Variants in CENPI observed in about 807,000 individuals in gnomAD.
CENPI encodes the protein FSH primary response 1.
CENPI carries 4 observed loss-of-function variants against 60.4 expected under a neutral mutation model. The observed-to-expected ratio is 0.07, with a 90% CI of 0.03 to 0.15. The LOEUF is 0.15. Among genes scored for constraint, CENPI ranks in the 10% least tolerant of loss-of-function variants. The pLI, the probability that CENPI is intolerant of heterozygous loss-of-function variation, is 1.00. For missense variants in CENPI, 444 were observed against 534.5 expected (o/e 0.83, Z 1.67); for synonymous variants, 157 against 189.4 (o/e 0.83, Z 1.40).
At chrX:101,127,990 G>T (rs2089754021) in intron 11 of CENPI, among the ~76,000 whole-genome samples, 1 of 111,235 alleles carries the variant, frequency 9.0e-6, no homozygotes, top group African/African-American at 3.3e-5. Context: ...TTGAGGTCAG[G>T]AGTTCAAGAC....
intron 6 of CENPI, among the ~76,000 whole-genome samples, chrX:101,119,489 A>T (rs759127074): frequency 8.9e-6 from 1 of 111,983 alleles, no homozygotes; most frequent in Non-Finnish European, 1.9e-5. Context: ...CTCTGTCACA[A>T]CTATTCAACT....
chrX:101,132,125 G>A lies in CENPI; in HGVS notation c.1288-65G>A, dbSNP rs1014301255. 2.7e-5 allele frequency: 21 copies of A among 791,867 alleles called. No individual in the cohort carries two copies. The Admixed American group carries it at 5.1e-4, about 19-fold the overall frequency. The allele number at this position is 791,867 out of a possible 1,213,427, so 65.3% of individuals were successfully genotyped here. ...AACTATAGCACAAAATAAACTGGTT[G>A]TTTAGAGCATAATTTTATGACTGAA... is the stretch of plus-strand genomic sequence containing the variant. On this transcript the variant is annotated intron_variant, in intron 13 of 21. Coordinates refer to ENST00000682095, the MANE Select transcript of CENPI (RefSeq NM_001386188.2).
At chrX:101,150,988 T>C (rs756362781) in intron 20 of CENPI, among the ~76,000 whole-genome samples, 2 of 111,240 alleles carry the variant, frequency 1.8e-5, no homozygotes, top group Non-Finnish European at 3.8e-5. Flanking sequence ...CTGGTTATCT[T>C]TGACGATGTG....
intron 6 of CENPI, among the ~76,000 whole-genome samples, chrX:101,119,095 G>A (rs925423311): frequency 2.7e-5 from 3 of 111,420 alleles, no homozygotes; most frequent in East Asian, 2.8e-4. Flanking sequence ...TAGGAGAATC[G>A]CTTGAACCCG....
chrX:101,102,616 C>A (rs2089433756), intron 4 of CENPI, among the ~76,000 whole-genome samples: 1 of 109,404 alleles, frequency 9.1e-6, no homozygotes, highest in Admixed American at 1.0e-4. Context: ...CCGCCTTGGC[C>A]TCTCAAAGTG....
chrX:101,120,466 A>T lies in CENPI; in HGVS notation c.640+16A>T, dbSNP rs749394030. ...AAAGAGAATGGTGAGTATTTTCATT[A>T]CAGTTGTATTATACTTTGTAGAATT... is the stretch of plus-strand genomic sequence containing the variant. On this transcript the variant is annotated intron_variant, in intron 7 of 21. Transcript: ENST00000682095. 3.5e-6 allele frequency: 3 copies of T among 854,165 alleles called. No individual in the cohort carries two copies. Among genetic ancestry groups the T allele is most frequent in the Non-Finnish European group, 5.2e-6 (3 of 576,842 alleles). The allele number at this position is 854,165 out of a possible 1,213,427, so 70.4% of individuals were successfully genotyped here. A position where few individuals can be genotyped will look rare whatever the true frequency, so the allele number is the denominator to read the frequency against.
At chrX:101,180,032 A>G in the CENPI span, among the ~76,000 whole-genome samples, 1 of 112,459 alleles carries the variant, frequency 8.9e-6, no homozygotes, top group African/African-American at 3.2e-5. Context: ...AGGAAGTAAT[A>G]TCTTATAGCT....
intron 20 of CENPI, among the ~76,000 whole-genome samples, chrX:101,158,425 G>A (rs762295293): frequency 2.6e-4 from 28 of 108,408 alleles, no homozygotes; most frequent in Admixed American, 6.0e-4. Context: ...TTACAGGCAC[G>A]TACCACCACG....
In CENPI at chrX:101,130,627, A is replaced by G. The variant is rs147640548; in HGVS notation, c.1287+554A>G. 6.0e-3 allele frequency among the ~76,000 whole-genome samples: 678 copies of G among 112,673 alleles called. 6 individuals are homozygous for G. Among genetic ancestry groups the G allele is most frequent in the African/African-American group, 0.018 (557 of 31,080 alleles). ...TTTAAGAGAACAAACTGAAGATGTA[A>G]TTAAATGTATTCAGTTAACTGAATT... On this transcript the variant is annotated intron_variant, in intron 13 of 21. Transcript: ENST00000682095.
chrX:101,137,794 A>C (rs1245490626), intron 15 of CENPI, among the ~76,000 whole-genome samples: 1 of 103,396 alleles, frequency 9.7e-6, no homozygotes, highest in Non-Finnish European at 2.0e-5. Flanking sequence ...ACAGAGGTAG[A>C]TATAGGGCAG....
rs781469063 is a variant in CENPI at position 101,112,872 on chromosome X, C to T, written c.591+2874C>T. Among the ~76,000 whole-genome samples the T allele has an allele frequency of 3.7e-4, 40 of 109,386 alleles. 1 individual carries two copies. The East Asian group carries it at 6.3e-3, about 17-fold the overall frequency. 95.0% of individuals were successfully genotyped at this position (109,386 alleles called of 115,157 possible). ...CGGAGTCTCACTCTGTTGCCGTGCC[C>T]GGCTGAGAATTAGTTTATTTACCTT... On this transcript the variant is annotated intron_variant, in intron 6 of 21. Transcript: ENST00000682095.
At chrX:101,126,823 C>T in intron 9 of CENPI, 25 bp downstream of exon 9, 1 of 1,072,611 alleles carries the variant, frequency 9.3e-7, no homozygotes, top group South Asian at 2.0e-5. Context: ...AGAGAGAAAT[C>T]ATATTAAGAT....
At chrX:101,172,401 A>T in the CENPI span, among the ~76,000 whole-genome samples, 2 of 111,767 alleles carry the variant, frequency 1.8e-5, no homozygotes, top group East Asian at 5.6e-4. Flanking sequence ...AACAATGCAA[A>T]TGTCCAACTG....
chrX:101,106,276 G>C (rs2089482416), intron 4 of CENPI, among the ~76,000 whole-genome samples: 1 of 111,717 alleles, frequency 9.0e-6, no homozygotes, highest in Non-Finnish European at 1.9e-5. Flanking sequence ...TTTTATTTTT[G>C]TGATTCATTA....
At chrX:101,120,577 G>A in intron 7 of CENPI, 127 bp downstream of exon 7, 1 of 606,242 alleles carries the variant, frequency 1.6e-6, no homozygotes, top group Non-Finnish European at 2.6e-6. Context: ...TTGCTTTTTA[G>A]TACTTTAAGA....
At chrX:101,170,352 C>A (rs1018785247), downstream of CENPI, among the ~76,000 whole-genome samples, 1 of 111,653 alleles carries the variant, frequency 9.0e-6, no homozygotes, top group Non-Finnish European at 1.9e-5. Context: ...ATGATGTTCA[C>A]ACAATAAAAT....
chrX:101,102,146 T>C, intron 3 of CENPI, 128 bp from the exon 4 acceptor site: 1 of 468,967 alleles, frequency 2.1e-6, no homozygotes, highest in East Asian at 4.4e-5. Context: ...AATGCTGGAA[T>C]TACAGATGTG....
intron 15 of CENPI, among the ~76,000 whole-genome samples, chrX:101,138,696 G>A (rs2089876971): frequency 9.2e-6 from 1 of 108,678 alleles, no homozygotes; most frequent in African/African-American, 3.4e-5. Flanking sequence ...TGCGATCTTG[G>A]CTCACTGCAA....
rs188558173 is a variant in CENPI, at chrX:101,162,364, G to T, written c.2137-469G>T. On this transcript the variant is annotated intron_variant, in intron 21 of 21. Coordinates refer to ENST00000682095, the MANE Select transcript of CENPI (RefSeq NM_001386188.2). ...AGCTACTTGGGAGGCTGAGGCAGGAGGATTGCTTGAGGCTGGGAAGTCGAG... is the reference window on the plus strand; with the variant it reads ...AGCTACTTGGGAGGCTGAGGCAGGATGATTGCTTGAGGCTGGGAAGTCGAG... Among the ~76,000 whole-genome samples the T allele has an allele frequency of 1.1e-4, 12 of 105,148 alleles. No individual in the cohort carries two copies. In the East Asian group the frequency reaches 3.2e-3, roughly 28 times the overall value. 91.3% of individuals were successfully genotyped at this position (105,148 alleles called of 115,157 possible). A position where few individuals can be genotyped will look rare whatever the true frequency, so the allele number is the denominator to read the frequency against.
Sources: gnomAD v4.1 joint callset for allele counts (sites outside exome capture counted in the v4.1 genomes callset) on GRCh38, gnomAD v4.1.1 for gene constraint, MANE v1.5 for transcripts, NCBI Gene and HGNC (gene_info 2026-07-23, HGNC 2026-07-21) for gene names.